The following C10orf53 variants were observed in gnomAD, a reference collection of about 807,000 sequenced individuals.
C10orf53 encodes UPF0728 protein C10orf53.
C10orf53 carries 8 observed loss-of-function variants against 9.4 expected under a neutral mutation model. The ratio of observed to expected loss-of-function variants is 0.85; its 90% CI spans 0.50 to 1.53. The LOEUF is 1.53. Among genes scored for constraint, C10orf53 ranks in the 40% most tolerant of loss-of-function variants. The pLI is 0.00. For missense variants in C10orf53, 117 were observed against 117.8 expected (o/e 0.99, Z 0.03); for synonymous variants, 48 against 46.0 (o/e 1.04, Z -0.18).
chr10:49,690,857 GGA>G (rs1220417021), intron 1 of C10orf53, among the ~76,000 whole-genome samples: 2 of 152,120 alleles, frequency 1.3e-5, no homozygotes, highest in Non-Finnish European at 2.9e-5. Context: ...AGTAGAGGAG[GGA>G]GAGAGGTCTG....
chr10:49,691,020 G>A (rs961703282), intron 1 of C10orf53, among the ~76,000 whole-genome samples: 2 of 152,216 alleles, frequency 1.3e-5, no homozygotes, highest in South Asian at 4.1e-4. Context: ...AGAGGCAGGC[G>A]GACTGCAGGT....
At chr10:49,694,470 G>A in intron 2 of C10orf53, 68 bp from the exon 3 acceptor site, 2 of 1,596,678 alleles carry the variant, frequency 1.3e-6, no homozygotes, top group Non-Finnish European at 1.7e-6. Context: ...GGAAGCCATA[G>A]GTATGTCTGA....
chr10:49,692,638 G>A (rs1211961775), intron 1 of C10orf53, among the ~76,000 whole-genome samples: 1 of 152,072 alleles, frequency 6.6e-6, no homozygotes, highest in African/African-American at 2.4e-5. Context: ...GGTAATGATC[G>A]GCACACCCAC....
At chr10:49,703,019 A>G (rs137947805) in intron 2 of C10orf53, among the ~76,000 whole-genome samples, 1 of 152,036 alleles carries the variant, frequency 6.6e-6, no homozygotes, top group Non-Finnish European at 1.5e-5. Flanking sequence ...AGGACAGTGT[A>G]CCCCACCCCG....
chr10:49,695,055 TG>T lies in C10orf53; in HGVS notation c.*454del. On this transcript the variant is annotated 3_prime_UTR_variant, in exon 3 of 3. Transcript: ENST00000374111. ...TTTGAAAGTCTGAACCAAAAGCAAA[TG>T]TTAATATTTGGAAACCTTGCTATTC... is the stretch of plus-strand genomic sequence containing the variant. 1.5e-6 allele frequency: 1 copy of T among 651,482 alleles called. No homozygotes were observed. Among genetic ancestry groups the T allele is most frequent in the Non-Finnish European group, 1.9e-6 (1 of 524,854 alleles). The allele number at this position is 651,482 out of a possible 1,614,324, so 40.4% of individuals were successfully genotyped here. A position where few individuals can be genotyped will look rare whatever the true frequency, so the allele number is the denominator to read the frequency against.
chr10:49,684,112 G>A (rs974911308), intron 1 of C10orf53, among the ~76,000 whole-genome samples: 14 of 152,274 alleles, frequency 9.2e-5, no homozygotes, highest in Non-Finnish European at 1.5e-4. Context: ...TGTTCTTTAC[G>A]AATTGAATGG....
At chr10:49,702,925 G>T (rs1477843007) in intron 2 of C10orf53, among the ~76,000 whole-genome samples, 1 of 152,092 alleles carries the variant, frequency 6.6e-6, no homozygotes, top group Admixed American at 6.6e-5. Context: ...CCAGATATAT[G>T]TTGCAGGCAT....
chr10:49,686,296 G>C (rs915567959), intron 1 of C10orf53, among the ~76,000 whole-genome samples: 47 of 152,084 alleles, frequency 3.1e-4, no homozygotes, highest in African/African-American at 1.1e-3. Context: ...TCTTAATCCT[G>C]TTATCTTCAT....
intron 1 of C10orf53, among the ~76,000 whole-genome samples, chr10:49,685,401 A>C (rs970432321): frequency 1.3e-5 from 2 of 152,236 alleles, no homozygotes; most frequent in Non-Finnish European, 2.9e-5. Flanking sequence ...AGGCTAAGCT[A>C]TGATGTTCAG....
chr10:49,704,809 A>T (rs1840711392), intron 2 of C10orf53, among the ~76,000 whole-genome samples: 1 of 152,206 alleles, frequency 6.6e-6, no homozygotes, highest in South Asian at 2.1e-4. Context: ...GTTGGTAAGG[A>T]TGTGGTAAAC....
chr10:49,702,867 T>C (rs531931178), intron 2 of C10orf53, among the ~76,000 whole-genome samples: 8 of 152,152 alleles, frequency 5.3e-5, no homozygotes, highest in African/African-American at 7.2e-5. Flanking sequence ...CTAACCACCA[T>C]CTAAGCATGG....
intron 2 of C10orf53, among the ~76,000 whole-genome samples, chr10:49,705,154 A>C (rs1020043047): frequency 6.6e-6 from 1 of 152,204 alleles, no homozygotes; most frequent in Non-Finnish European, 1.5e-5. Context: ...GCTAAGGTCA[A>C]AAAAGTATGG....
chr10:49,698,633 A>C (rs539008358), downstream of C10orf53, among the ~76,000 whole-genome samples: 3 of 152,288 alleles, frequency 2.0e-5, no homozygotes, highest in South Asian at 6.2e-4. Context: ...AAAGACAAGA[A>C]AGTGCTAGCC....
At chr10:49,684,121 G>T (rs566329938) in intron 1 of C10orf53, among the ~76,000 whole-genome samples, 1 of 152,292 alleles carries the variant, frequency 6.6e-6, no homozygotes, top group South Asian at 2.1e-4. Flanking sequence ...CGAATTGAAT[G>T]GTCTTCGCAC....
intron 1 of C10orf53, among the ~76,000 whole-genome samples, chr10:49,691,569 T>C (rs1840584428): frequency 6.6e-6 from 1 of 152,252 alleles, no homozygotes. Context: ...AGAGGGTTTC[T>C]TCCTGTTGGG....
chr10:49,700,197 G>A (rs72795738), downstream of C10orf53, among the ~76,000 whole-genome samples: 6,978 of 152,296 alleles, frequency 0.046, 222 homozygotes, highest in Non-Finnish European at 0.073. Context: ...CCTCGTCAGC[G>A]GACTCCAGGC....
At chr10:49,689,841 T>C (rs1840564874) in intron 1 of C10orf53, among the ~76,000 whole-genome samples, 1 of 152,216 alleles carries the variant, frequency 6.6e-6, no homozygotes, top group Non-Finnish European at 1.5e-5. Context: ...TTTTCTATAA[T>C]TTTAAAGTTT....
chr10:49,691,168 C>T (rs1215336878), intron 1 of C10orf53, among the ~76,000 whole-genome samples: 1 of 152,136 alleles, frequency 6.6e-6, no homozygotes, highest in Admixed American at 6.5e-5. Context: ...ATGGGTGCTC[C>T]GTGTAGAGAA....
At chr10:49,698,801 C>T (rs1260790276), downstream of C10orf53, among the ~76,000 whole-genome samples, 3 of 152,148 alleles carry the variant, frequency 2.0e-5, no homozygotes, top group Non-Finnish European at 2.9e-5. Flanking sequence ...GGGCACTGCA[C>T]TTCTCCCCCG....
Sources: gnomAD v4.1 joint callset for allele counts (sites outside exome capture counted in the v4.1 genomes callset) on GRCh38, gnomAD v4.1.1 for gene constraint, MANE v1.5 for transcripts, NCBI Gene and HGNC (gene_info 2026-07-23, HGNC 2026-07-21) for gene names.